Variants in SLC44A1 observed in about 807,000 individuals in gnomAD.
SLC44A1 encodes the protein choline transporter-like protein 1.
In SLC44A1, 26 loss-of-function variants were observed where a neutral mutation model predicts 79.3. The observed-to-expected ratio is 0.33, with a 90% CI of 0.24 to 0.46. SLC44A1 has a LOEUF of 0.46. SLC44A1 is among the 20% of genes least tolerant of loss of function. The pLI is 1.00. For synonymous variants in SLC44A1, 263 were observed against 286.2 expected, an observed-to-expected ratio of 0.92 and a Z score of 0.82; for missense variants, 688 against 798.1, an observed-to-expected ratio of 0.86 and a Z score of 1.66.
intron 13 of SLC44A1, among the ~76,000 whole-genome samples, chr9:105,377,952 A>G (rs1244698701): frequency 6.6e-6 from 1 of 152,082 alleles, no homozygotes; most frequent in African/African-American, 2.4e-5. Context: ...CATAGAATTT[A>G]AAATCTAGTA....
At chr9:105,405,821 G>A (rs1053591772) in intron 15 of SLC44A1, among the ~76,000 whole-genome samples, 3 of 152,152 alleles carry the variant, frequency 2.0e-5, no homozygotes, top group African/African-American at 7.2e-5. Context: ...GCAACCTGTG[G>A]TGAAGAATAA....
intron 4 of SLC44A1, among the ~76,000 whole-genome samples, chr9:105,337,604 T>G (rs2131363283): frequency 6.6e-6 from 1 of 152,308 alleles, no homozygotes; most frequent in Non-Finnish European, 1.5e-5. Context: ...TGCTCGGAAA[T>G]CATCCATAGT....
intron 15 of SLC44A1, among the ~76,000 whole-genome samples, chr9:105,431,257 T>C (rs1829389480): frequency 6.6e-6 from 1 of 152,232 alleles, no homozygotes; most frequent in East Asian, 1.9e-4. Flanking sequence ...TAGGTGTATA[T>C]GTATGATATA....
chr9:105,365,661 G>T (rs377682751), intron 11 of SLC44A1, 22 bp downstream of exon 11: 1 of 1,606,140 alleles, frequency 6.2e-7, no homozygotes, highest in Admixed American at 1.7e-5. Flanking sequence ...ATGCATTTCT[G>T]TACTTTCTGT....
intron 1 of SLC44A1, among the ~76,000 whole-genome samples, chr9:105,265,555 G>A (rs1829942971): frequency 6.6e-6 from 1 of 152,218 alleles, no homozygotes; most frequent in South Asian, 2.1e-4. Context: ...GTTGTTTCCA[G>A]TTTGGGATGA....
chr9:105,433,422 G>T (rs967198492), intron 15 of SLC44A1, among the ~76,000 whole-genome samples: 1 of 152,186 alleles, frequency 6.6e-6, no homozygotes, highest in African/African-American at 2.4e-5. Context: ...CATATGAAAT[G>T]ATGCTTAACA....
At chr9:105,343,057 A>G (rs1341901672) in intron 4 of SLC44A1, among the ~76,000 whole-genome samples, 2 of 152,004 alleles carry the variant, frequency 1.3e-5, no homozygotes, top group East Asian at 3.9e-4. Flanking sequence ...ATAGATTCTC[A>G]GTGCTAATAG....
intron 13 of SLC44A1, among the ~76,000 whole-genome samples, chr9:105,377,985 C>T (rs1053909972): frequency 2.0e-5 from 3 of 151,912 alleles, no homozygotes; most frequent in Non-Finnish European, 2.9e-5. Context: ...CGGTGGCTCA[C>T]GCCCATAATC....
At chr9:105,363,698 C>T (rs1403166589) in intron 9 of SLC44A1, among the ~76,000 whole-genome samples, 1 of 151,312 alleles carries the variant, frequency 6.6e-6, no homozygotes, top group Non-Finnish European at 1.5e-5. Context: ...CTCCTGGCCT[C>T]ATGTGATCCA....
intron 15 of SLC44A1, among the ~76,000 whole-genome samples, chr9:105,408,127 C>T (rs931773593): frequency 6.6e-6 from 1 of 152,156 alleles, no homozygotes; most frequent in Non-Finnish European, 1.5e-5. Context: ...GCACTCCAGC[C>T]TGGGCGACAG....
In SLC44A1 at chr9:105,318,998, T is replaced by C. The variant is rs551272805; in HGVS notation, c.269+9132T>C. On this transcript the variant is annotated intron_variant, in intron 3 of 15. Transcript: ENST00000374720. ...CTGTGAAGATTTTTACAAGCTTTAG[T>C]CATTGTTCATGAGCTGATAGACAAT... Among the ~76,000 whole-genome samples the C allele has an allele frequency of 3.3e-5, 5 of 152,280 alleles. No individual in the cohort carries two copies. The South Asian group carries it at 1.0e-3, about 32-fold the overall frequency.
chr9:105,374,800 T>C, intron 13 of SLC44A1, 65 bp downstream of exon 13: 1 of 1,352,946 alleles, frequency 7.4e-7, no homozygotes. Context: ...TGCTCTTTTA[T>C]TTTAAAAATA....
In SLC44A1 at chr9:105,405,279, CCACTG is replaced by C. The variant is rs1388906817; in HGVS notation, c.1950+19782_1950+19786del. Among the ~76,000 whole-genome samples the C allele has an allele frequency of 2.0e-5, 3 of 151,352 alleles. No individual in the cohort carries two copies. The East Asian group carries it at 5.8e-4, about 29-fold the overall frequency. On this transcript the variant is annotated intron_variant, in intron 15 of 15. Transcript: ENST00000374724. ...GAGGTTGCAGTGAGCCGAGAATGTG[CCACTG>C]CACTCCAGCCTGGGCGACAGAGCAA...
intron 3 of SLC44A1, among the ~76,000 whole-genome samples, chr9:105,331,770 A>G (rs933842958): frequency 6.6e-5 from 10 of 152,248 alleles, no homozygotes; most frequent in Non-Finnish European, 1.2e-4. Context: ...TGTAGGAAAT[A>G]TTTTGGAATA....
chr9:105,327,944 C>T (rs975819086), intron 3 of SLC44A1, among the ~76,000 whole-genome samples: 3 of 152,092 alleles, frequency 2.0e-5, no homozygotes, highest in African/African-American at 4.8e-5. Flanking sequence ...TATTTATCAT[C>T]GTATCTTTAG....
At chr9:105,326,830 G>C (rs1826592236) in intron 3 of SLC44A1, among the ~76,000 whole-genome samples, 1 of 152,174 alleles carries the variant, frequency 6.6e-6, no homozygotes, top group South Asian at 2.1e-4. Flanking sequence ...ACTGTCGCCT[G>C]TCCAGATTTC....
rs1227414442 is a variant in SLC44A1, at chr9:105,396,474, C to G, written c.*7418C>G. 1 of 985,134 alleles carries G rather than the reference C, an allele frequency of 1.0e-6. No homozygotes were observed. Among genetic ancestry groups the G allele is most frequent in the Non-Finnish European group, 1.2e-6 (1 of 829,794 alleles). The allele number at this position is 985,134 out of a possible 1,614,324, so 61.0% of individuals were successfully genotyped here. On this transcript the variant is annotated 3_prime_UTR_variant, in exon 16 of 16. Transcript: ENST00000374720. ...TGGCTGGCACAGCCTTTCTGAACTC[C>G]TTGAGTTTAGAATAGAGCTCCTAGA...
downstream of SLC44A1, among the ~76,000 whole-genome samples, chr9:105,402,135 C>T (rs1828966824): frequency 6.6e-6 from 1 of 152,160 alleles, no homozygotes; most frequent in Non-Finnish European, 1.5e-5. Context: ...GGAGAGGATA[C>T]AGGACTCTTA....
intron 15 of SLC44A1, among the ~76,000 whole-genome samples, chr9:105,421,865 G>C (rs1180333353): frequency 6.6e-6 from 1 of 152,216 alleles, no homozygotes; most frequent in Non-Finnish European, 1.5e-5. Flanking sequence ...GGGATTACAG[G>C]CGTGAGCCAC....
Sources: allele counts gnomAD v4.1 joint callset (sites outside exome capture counted in the v4.1 genomes callset), GRCh38; gene constraint gnomAD v4.1.1; transcripts MANE v1.5; gene names NCBI Gene and HGNC (gene_info 2026-07-23, HGNC 2026-07-21).